Variants in RNASEH2B observed in about 807,000 individuals in gnomAD.
RNASEH2B encodes the protein ribonuclease H2 subunit B.
Under a neutral mutation model 45.0 loss-of-function variants are expected in RNASEH2B, and 36 were observed. The ratio of observed to expected loss-of-function variants is 0.80; its 90% CI spans 0.61 to 1.06. The LOEUF (loss-of-function observed/expected upper bound fraction) is 1.06, where lower values mean the gene tolerates loss of function less well. Ranked by LOEUF, RNASEH2B falls within the 50% of genes least tolerant of loss-of-function variation. RNASEH2B has a pLI of 0.00. For missense variants in RNASEH2B, 361 were observed against 360.3 expected (o/e 1.00, Z -0.02); for synonymous variants, 119 against 125.7 (o/e 0.95, Z 0.35).
chr13:50,922,027 T>C (rs1211984148), intron 1 of RNASEH2B, among the ~76,000 whole-genome samples: 2 of 152,224 alleles, frequency 1.3e-5, no homozygotes, highest in Non-Finnish European at 2.9e-5. Flanking sequence ...TCCCAGAGCA[T>C]TGTCCCTATT....
At chr13:50,951,842 A>C (rs1951979765) in intron 9 of RNASEH2B, 1 of 151,894 alleles carries the variant, frequency 6.6e-6, no homozygotes, top group African/African-American at 2.4e-5. Flanking sequence ...TACCACAATC[A>C]TTTTCTTTTT....
chr13:50,929,096 A>G (rs570949277), intron 2 of RNASEH2B, among the ~76,000 whole-genome samples: 2 of 152,256 alleles, frequency 1.3e-5, no homozygotes, highest in South Asian at 4.1e-4. Flanking sequence ...GGGGAGAGCC[A>G]CACACTGCCC....
intron 5 of RNASEH2B, 137 bp downstream of exon 5, chr13:50,935,136 A>G: frequency 1.5e-6 from 1 of 682,824 alleles, no homozygotes; most frequent in East Asian, 2.7e-5. Flanking sequence ...ATTTGCTAAC[A>G]CTGCCAGCAC....
chr13:50,969,544 A>G (rs990412747), intron 9 of RNASEH2B, among the ~76,000 whole-genome samples: 12 of 151,860 alleles, frequency 7.9e-5, no homozygotes, highest in African/African-American at 2.7e-4. Context: ...AAAAAGAAAA[A>G]TGGTTTAAGA....
intron 7 of RNASEH2B, 128 bp downstream of exon 7, chr13:50,945,660 A>G: frequency 1.4e-6 from 1 of 696,696 alleles, no homozygotes; most frequent in Admixed American, 2.0e-5. Context: ...CCTCATACAC[A>G]TTGTGGCAGG....
intron 1 of RNASEH2B, among the ~76,000 whole-genome samples, chr13:50,918,798 C>T (rs535381329): frequency 3.9e-5 from 6 of 152,144 alleles, no homozygotes; most frequent in Non-Finnish European, 5.9e-5. Context: ...GGCAGTGGGA[C>T]GGGGAGGGTC....
At chr13:50,913,436 T>C (rs1415598432) in intron 1 of RNASEH2B, among the ~76,000 whole-genome samples, 2 of 152,100 alleles carry the variant, frequency 1.3e-5, no homozygotes, top group Non-Finnish European at 2.9e-5. Flanking sequence ...GAACAATTAA[T>C]TGGGTTCATC....
At chr13:50,963,913 C>T (rs920985292) in intron 9 of RNASEH2B, among the ~76,000 whole-genome samples, 1 of 151,934 alleles carries the variant, frequency 6.6e-6, no homozygotes, top group Non-Finnish European at 1.5e-5. Flanking sequence ...TTGTAAGAGT[C>T]CCGGCCGGGT....
At chr13:50,961,458 ATGT>A (rs916373446), downstream of RNASEH2B, among the ~76,000 whole-genome samples, 5 of 152,086 alleles carry the variant, frequency 3.3e-5, no homozygotes, top group Non-Finnish European at 7.4e-5. Flanking sequence ...TTTAATGCTC[ATGT>A]TGTTTCAGAA....
intron 5 of RNASEH2B, chr13:50,939,190 TA>T (rs1357179792): frequency 2.0e-5 from 3 of 152,058 alleles, no homozygotes; most frequent in Non-Finnish European, 4.4e-5. Context: ...CTGTCTCTAC[TA>T]AAAAATACAA....
rs748052389 is a variant in RNASEH2B, at chr13:50,927,414, A to T, written c.72A>T (p.Leu24Phe). Residue 24 changes from leucine (L) to phenylalanine (F), a missense_variant, in exon 2 of 11, where the codon TTA (leucine) becomes TTT (phenylalanine). Transcript: ENST00000336617. ...TTCACGGTTTATTTTCAGAATATTT[A>T]AAAGATGCTTCAAAGAAGATGAAAA... Reference protein sequence around the residue: ...RQHVFLVSEYLKDASKKMKNG... With the variant: ...RQHVFLVSEYFKDASKKMKNG... The T allele has an allele frequency of 4.4e-6, 7 of 1,579,894 alleles. No individual in the cohort carries two copies. Among genetic ancestry groups the T allele is most frequent in the Non-Finnish European group, 6.1e-6 (7 of 1,149,070 alleles).
intron 1 of RNASEH2B, among the ~76,000 whole-genome samples, chr13:50,916,383 G>GT (rs1419601569): frequency 1.3e-5 from 2 of 152,190 alleles, no homozygotes; most frequent in African/African-American, 2.4e-5. Context: ...GGTAGGGGCT[G>GT]TTTTTTTCCT....
intron 1 of RNASEH2B, chr13:50,912,334 T>C (rs1020916738): frequency 3.3e-5 from 5 of 152,326 alleles, no homozygotes; most frequent in Non-Finnish European, 7.3e-5. Flanking sequence ...GCTGGTTCAG[T>C]AGGTCCTGGG....
intron 6 of RNASEH2B, among the ~76,000 whole-genome samples, chr13:50,944,461 G>C (rs915976333): frequency 1.1e-4 from 16 of 151,976 alleles, no homozygotes; most frequent in African/African-American, 3.4e-4. Context: ...CGGGGGTTAG[G>C]GGCAAGAGGA....
chr13:50,915,316 T>C (rs1879679457), intron 1 of RNASEH2B: 2 of 397,974 alleles, frequency 5.0e-6, no homozygotes, highest in Non-Finnish European at 4.4e-6. Context: ...AGCCATTTGC[T>C]CCAGCTCAGC....
chr13:50,954,189 A>C (rs1952014323), intron 10 of RNASEH2B: 1 of 632,186 alleles, frequency 1.6e-6, no homozygotes, highest in African/African-American at 1.8e-5. Context: ...AGTCAGAGAA[A>C]AACAATATAC....
intron 3 of RNASEH2B, 53 bp from the exon 4 acceptor site, chr13:50,930,630 C>T (rs1292892877): frequency 7.9e-7 from 1 of 1,260,560 alleles, no homozygotes; most frequent in African/African-American, 1.5e-5. Context: ...GTGAAATAGC[C>T]ACATTGTCTT....
At chr13:50,964,846 C>CT in intron 9 of RNASEH2B, among the ~76,000 whole-genome samples, 1 of 152,060 alleles carries the variant, frequency 6.6e-6, no homozygotes, top group East Asian at 1.9e-4. Flanking sequence ...CTCTATGTGC[C>CT]TTTTTCTGAA....
chr13:50,949,944 A>C, intron 9 of RNASEH2B: 1 of 154,834 alleles, frequency 6.5e-6, no homozygotes, highest in East Asian at 1.9e-4. Context: ...AAAGATGATC[A>C]CTTTTTTTCT....
Sources: gnomAD v4.1 joint callset for allele counts (sites outside exome capture counted in the v4.1 genomes callset) on GRCh38, gnomAD v4.1.1 for gene constraint, MANE v1.5 for transcripts, NCBI Gene and HGNC (gene_info 2026-07-23, HGNC 2026-07-21) for gene names.